Variants in PRKCH observed in about 807,000 individuals in gnomAD.
PRKCH encodes the protein protein kinase C eta, also known as protein kinase C eta type.
PRKCH carries 28 observed loss-of-function variants against 82.5 expected under a neutral mutation model. That is an observed-to-expected ratio of 0.34 (90% CI 0.25 to 0.47). The LOEUF (loss-of-function observed/expected upper bound fraction) is 0.47, where lower values mean the gene tolerates loss of function less well. Ranked by LOEUF, PRKCH falls within the 20% of genes least tolerant of loss-of-function variation. The probability of loss-of-function intolerance (pLI) is 1.00; values close to 1 mark genes in which losing one functional copy is unlikely to be tolerated. For missense variants in PRKCH, 705 were observed against 881.8 expected (o/e 0.80, Z 2.54); for synonymous variants, 322 against 327.4 (o/e 0.98, Z 0.18).
chr14:61,244,974 CA>C (rs2044867781), intron 1 of PRKCH, among the ~76,000 whole-genome samples: 1 of 152,168 alleles, frequency 6.6e-6, no homozygotes, highest in Non-Finnish European at 1.5e-5. Flanking sequence ...AACACAAAAG[CA>C]AAACTTTGGT....
chr14:61,440,549 T>C (rs1883909580), intron 2 of PRKCH, among the ~76,000 whole-genome samples: 1 of 152,242 alleles, frequency 6.6e-6, no homozygotes, highest in African/African-American at 2.4e-5. Context: ...TCTAATTTCT[T>C]TGACAGGTAT....
chr14:61,389,303 T>G (rs1342703340), intron 1 of PRKCH, among the ~76,000 whole-genome samples: 1 of 151,702 alleles, frequency 6.6e-6, no homozygotes, highest in Non-Finnish European at 1.5e-5. Flanking sequence ...TGAGTCATGA[T>G]TGCAGCATTG....
At position 61,280,305 on chromosome 14, in the gene PRKCH, G is replaced by A; in HGVS notation, c.-19+92637G>A. 3 of 1,613,790 alleles carry A rather than the reference G, an allele frequency of 1.9e-6. No individual in the cohort carries two copies. The highest frequency in any genetic ancestry group is 1.7e-6 in the Non-Finnish European group (2 of 1,179,950). ...TGTAGGTGATGTTGACGCGGTAGGC[G>A]CCCCGCGGCAGCCCGGCCGAGTAGT... On this transcript the variant is annotated intron_variant, in intron 1 of 3. Coordinates refer to the PRKCH transcript ENST00000555185. The surrounding 1 kb of genome is among the most constrained non-coding windows in gnomAD (Gnocchi z 5.0).
chr14:61,525,509 C>T (rs17256261), intron 10 of PRKCH: 12,314 of 152,198 alleles, frequency 0.081, 596 homozygotes, highest in South Asian at 0.19. Flanking sequence ...CTGAGAGCTG[C>T]GTCCCAAGAC....
intron 1 of PRKCH, among the ~76,000 whole-genome samples, chr14:61,222,731 A>G (rs529786285): frequency 5.2e-4 from 79 of 152,362 alleles, no homozygotes; most frequent in African/African-American, 1.8e-3. Context: ...TAGTTCGACA[A>G]TGGATAAGCA....
intron 12 of PRKCH, among the ~76,000 whole-genome samples, chr14:61,546,240 T>C (rs1339291441): frequency 6.6e-6 from 1 of 152,190 alleles, no homozygotes; most frequent in African/African-American, 2.4e-5. Context: ...GAGTTACTTA[T>C]AATATGCATC....
At chr14:61,369,218 G>A (rs966026877) in intron 1 of PRKCH, among the ~76,000 whole-genome samples, 4 of 152,082 alleles carry the variant, frequency 2.6e-5, no homozygotes, top group Admixed American at 1.3e-4. Context: ...CACCGGGAGG[G>A]TTTGTTAAAA....
chr14:61,497,837 T>G (rs1190472772), intron 10 of PRKCH, among the ~76,000 whole-genome samples: 1 of 152,284 alleles, frequency 6.6e-6, no homozygotes, highest in Middle Eastern at 3.4e-3. Context: ...AAGAAAGACT[T>G]CATCCCATCA....
intron 2 of PRKCH, among the ~76,000 whole-genome samples, chr14:61,435,440 G>A (rs1345712655): frequency 6.6e-6 from 1 of 152,202 alleles, no homozygotes; most frequent in Non-Finnish European, 1.5e-5. Flanking sequence ...AGAGAGGGTG[G>A]AGGAGGCCGA....
intron 1 of PRKCH, among the ~76,000 whole-genome samples, chr14:61,314,841 G>A (rs1301784432): frequency 2.6e-5 from 4 of 152,092 alleles, no homozygotes; most frequent in Non-Finnish European, 4.4e-5. Context: ...CCTTTGGCTA[G>A]CTGAAGTCCT....
In PRKCH at chr14:61,235,961, G is replaced by A. The variant is rs191686665; in HGVS notation, c.-19+48293G>A. Reference sequence around the variant, plus strand: ...GCTAAGGATATTCCAAAGTTAAGTAGTTCAGGCCATGATGGGAAGCAGGGG... The same window carrying A: ...GCTAAGGATATTCCAAAGTTAAGTAATTCAGGCCATGATGGGAAGCAGGGG... On this transcript the variant is annotated intron_variant, in intron 1 of 3. Coordinates refer to the PRKCH transcript ENST00000555185. Among the ~76,000 whole-genome samples, 314 of 152,320 alleles carry A rather than the reference G, an allele frequency of 2.1e-3. 1 individual carries two copies. The highest frequency in any genetic ancestry group is 7.2e-3 in the African/African-American group (299 of 41,566).
At chr14:61,524,629 T>TA (rs1036744429) in intron 10 of PRKCH, among the ~76,000 whole-genome samples, 6 of 151,918 alleles carry the variant, frequency 3.9e-5, no homozygotes, top group Admixed American at 3.3e-4. Flanking sequence ...TCTTTTGCTT[T>TA]AAAAAAAATA....
chr14:61,355,949 A>G (rs1213779193), intron 1 of PRKCH, among the ~76,000 whole-genome samples: 1 of 152,222 alleles, frequency 6.6e-6, no homozygotes, highest in Non-Finnish European at 1.5e-5. Flanking sequence ...TATACTTGGT[A>G]GAAACTGGCA....
intron 1 of PRKCH, among the ~76,000 whole-genome samples, chr14:61,247,747 A>AG (rs1406123965): frequency 6.6e-6 from 1 of 150,450 alleles, no homozygotes; most frequent in African/African-American, 2.4e-5. Flanking sequence ...AAAAAAAAAA[A>AG]AAAAAAAAAA....
intron 1 of PRKCH, among the ~76,000 whole-genome samples, chr14:61,218,949 G>A (rs1459281092): frequency 6.6e-6 from 1 of 152,194 alleles, no homozygotes; most frequent in African/African-American, 2.4e-5. Flanking sequence ...GTCCCCTCCT[G>A]AGGCTTCCAC....
chr14:61,299,157 G>A (rs2045429435), intron 1 of PRKCH, among the ~76,000 whole-genome samples: 1 of 152,158 alleles, frequency 6.6e-6, no homozygotes, highest in Non-Finnish European at 1.5e-5. Context: ...GTGTATAGGT[G>A]CCGTAAGGGA....
intron 1 of PRKCH, among the ~76,000 whole-genome samples, chr14:61,337,566 G>A (rs543701386): frequency 6.6e-6 from 1 of 152,256 alleles, no homozygotes; most frequent in East Asian, 1.9e-4. Context: ...GACTACAGTC[G>A]TGCACCACCG....
chr14:61,432,688 C>G (rs1401697823), intron 2 of PRKCH, among the ~76,000 whole-genome samples: 1 of 152,114 alleles, frequency 6.6e-6, no homozygotes, highest in African/African-American at 2.4e-5. Context: ...AGGAACTTCA[C>G]TGATTATTTG....
intron 1 of PRKCH, among the ~76,000 whole-genome samples, chr14:61,385,528 A>G (rs951307505): frequency 1.1e-4 from 17 of 152,170 alleles, no homozygotes; most frequent in African/African-American, 3.6e-4. Context: ...CAGAGCGCCC[A>G]TGTATTCTCG....
Sources: gnomAD v4.1 joint callset for allele counts (sites outside exome capture counted in the v4.1 genomes callset) on GRCh38, gnomAD v4.1.1 for gene constraint, Gnocchi (gnomAD v3.1) non-coding constraint, MANE v1.5 for transcripts, NCBI Gene and HGNC (gene_info 2026-07-23, HGNC 2026-07-21) for gene names.